Variants in SHISA9 observed in about 807,000 individuals in gnomAD.
SHISA9 encodes the protein shisa family member 9.
SHISA9 carries 13 observed loss-of-function variants against 38.0 expected under a neutral mutation model. That is an observed-to-expected ratio of 0.34 (90% CI 0.22 to 0.54). The LOEUF (loss-of-function observed/expected upper bound fraction) is 0.54. Among genes scored for constraint, SHISA9 ranks in the 20% least tolerant of loss-of-function variants. The pLI is 0.91. For missense variants in SHISA9, 538 were observed against 575.8 expected (o/e 0.93, Z 0.67); for synonymous variants, 275 against 242.0 (o/e 1.14, Z -1.27).
chr16:12,989,973 C>T (rs144170437), intron 2 of SHISA9, among the ~76,000 whole-genome samples: 9 of 152,226 alleles, frequency 5.9e-5, no homozygotes, highest in East Asian at 1.9e-4. Context: ...TTGTTCCCCT[C>T]GCTGTGTTCA....
At chr16:13,267,330 A>G in the SHISA9 span, among the ~76,000 whole-genome samples, 1 of 152,220 alleles carries the variant, frequency 6.6e-6, no homozygotes, top group African/African-American at 2.4e-5. Context: ...AAGAAATGCA[A>G]ATTAAAATGG....
the SHISA9 span, among the ~76,000 whole-genome samples, chr16:13,462,616 C>G: frequency 1.3e-5 from 2 of 151,928 alleles, no homozygotes; most frequent in South Asian, 2.1e-4. Flanking sequence ...TTTGAGGTCA[C>G]GAGTTCGAAA....
At chr16:13,027,301 ATAT>A (rs2072934781) in intron 2 of SHISA9, among the ~76,000 whole-genome samples, 1 of 152,206 alleles carries the variant, frequency 6.6e-6, no homozygotes, top group African/African-American at 2.4e-5. Flanking sequence ...GCAACTAATA[ATAT>A]TTATTGGGTC....
chr16:13,024,449 G>A (rs2072896348), intron 2 of SHISA9, among the ~76,000 whole-genome samples: 1 of 152,224 alleles, frequency 6.6e-6, no homozygotes, highest in Non-Finnish European at 1.5e-5. Context: ...TGGTTCAGAT[G>A]CAACACCCTT....
chr16:13,317,234 G>T, the SHISA9 span, among the ~76,000 whole-genome samples: 26 of 152,322 alleles, frequency 1.7e-4, no homozygotes, highest in South Asian at 6.2e-4. Flanking sequence ...CAGGAGTCTG[G>T]ATGCCAAGAA....
chr16:13,503,044 C>A, the SHISA9 span, among the ~76,000 whole-genome samples: 3 of 152,110 alleles, frequency 2.0e-5, no homozygotes, highest in East Asian at 5.8e-4. Flanking sequence ...TTAACAGGGA[C>A]GACATGGCAG....
At chr16:13,267,710 G>A in the SHISA9 span, among the ~76,000 whole-genome samples, 1 of 152,106 alleles carries the variant, frequency 6.6e-6, no homozygotes, top group Non-Finnish European at 1.5e-5. Context: ...CTAGTAGTGG[G>A]TCAGACCAAC....
At chr16:12,911,222 A>C (rs905689078) in intron 1 of SHISA9, 3 of 982,894 alleles carry the variant, frequency 3.1e-6, no homozygotes, top group Admixed American at 1.2e-4. Flanking sequence ...CAGAATCTGC[A>C]TTTTAACAAG....
chr16:13,218,079 G>A (rs999534729), intron 4 of SHISA9, among the ~76,000 whole-genome samples: 7 of 152,064 alleles, frequency 4.6e-5, no homozygotes, highest in African/African-American at 1.7e-4. Flanking sequence ...AAAAAAAGAA[G>A]GAAGGAAAGA....
chr16:13,175,056 C>T (rs1253323565), intron 2 of SHISA9, among the ~76,000 whole-genome samples: 1 of 152,136 alleles, frequency 6.6e-6, no homozygotes, highest in Non-Finnish European at 1.5e-5. Flanking sequence ...CTTGGCTTCA[C>T]TTTCCGTCTT....
intron 1 of SHISA9, chr16:12,908,861 G>A (rs985427047): frequency 8.9e-5 from 100 of 1,129,050 alleles, no homozygotes; most frequent in Non-Finnish European, 1.0e-4. Flanking sequence ...GGGAACACAT[G>A]TCATTATTTT....
chr16:13,300,087 A>G, the SHISA9 span, among the ~76,000 whole-genome samples: 2 of 152,090 alleles, frequency 1.3e-5, no homozygotes, highest in Admixed American at 6.6e-5. Flanking sequence ...GGAAAGACAG[A>G]CTAAAATTGC....
intron 2 of SHISA9, among the ~76,000 whole-genome samples, chr16:13,135,448 C>G (rs2050340564): frequency 6.6e-6 from 1 of 152,194 alleles, no homozygotes; most frequent in Non-Finnish European, 1.5e-5. Context: ...AACATCCAAT[C>G]ACTGAATGCG....
At chr16:13,524,601 C>A in the SHISA9 span, among the ~76,000 whole-genome samples, 4 of 152,324 alleles carry the variant, frequency 2.6e-5, no homozygotes, top group South Asian at 8.3e-4. Context: ...CTTTGTCACC[C>A]AGACTGGAGT....
chr16:13,204,495 A>C (rs947488167), intron 3 of SHISA9, among the ~76,000 whole-genome samples: 1 of 152,204 alleles, frequency 6.6e-6, no homozygotes, highest in Non-Finnish European at 1.5e-5. Flanking sequence ...ATCTTGACAT[A>C]GAATCTAGGT....
chr16:13,308,977 GAGGCTTAAA>G, the SHISA9 span, among the ~76,000 whole-genome samples: 193 of 152,330 alleles, frequency 1.3e-3, no homozygotes, highest in African/African-American at 4.0e-3. Flanking sequence ...ATTATGTGGG[GAGGCTTAAA>G]AGATAAGAGT....
the SHISA9 span, among the ~76,000 whole-genome samples, chr16:13,387,160 G>C: frequency 1.2e-4 from 18 of 152,158 alleles, no homozygotes; most frequent in Admixed American, 6.5e-5. Flanking sequence ...CCAGCACCAT[G>C]ACTTACTTTG....
chr16:13,062,434 A>G (rs2073387059), intron 2 of SHISA9, among the ~76,000 whole-genome samples: 1 of 152,180 alleles, frequency 6.6e-6, no homozygotes. Flanking sequence ...GACCTAGAGC[A>G]GATTGCTTAA....
chr16:13,212,869 G>A (rs1596737114), intron 3 of SHISA9, among the ~76,000 whole-genome samples: 1 of 152,202 alleles, frequency 6.6e-6, no homozygotes, highest in South Asian at 2.1e-4. Flanking sequence ...CTTGTCATCA[G>A]AGTGTAGTCT....
Sources: allele counts gnomAD v4.1 joint callset (sites outside exome capture counted in the v4.1 genomes callset), GRCh38; gene constraint gnomAD v4.1.1; transcripts MANE v1.5; gene names NCBI Gene and HGNC (gene_info 2026-07-23, HGNC 2026-07-21).